LAMA2: variants seen among roughly 807,000 people sequenced by gnomAD.
The protein encoded by LAMA2 is laminin subunit alpha 2, also known as laminin subunit alpha-2.
Under a neutral mutation model 364.8 loss-of-function variants are expected in LAMA2, and 269 were observed. That is an observed-to-expected ratio of 0.74 (90% CI 0.67 to 0.82). The LOEUF (loss-of-function observed/expected upper bound fraction) is 0.82. Ranked by LOEUF, LAMA2 falls within the 40% of genes least tolerant of loss-of-function variation. The pLI is 0.00. For synonymous variants in LAMA2, 1,379 were observed against 1,370.6 expected, an observed-to-expected ratio of 1.01 and a Z score of -0.14; for missense variants, 3,807 against 3,873.2, an observed-to-expected ratio of 0.98 and a Z score of 0.45.
intron 64 of LAMA2, 99 bp downstream of exon 64, chr6:129,514,694 T>C: frequency 2.1e-6 from 2 of 942,542 alleles, no homozygotes; most frequent in Non-Finnish European, 3.4e-6. Flanking sequence ...TGTGCTTATG[T>C]GTACTTGCTT....
intron 22 of LAMA2, among the ~76,000 whole-genome samples, chr6:129,302,609 A>C (rs1424510121): frequency 6.6e-6 from 1 of 152,048 alleles, no homozygotes; most frequent in East Asian, 1.9e-4. Context: ...TTAGCTCTTA[A>C]ATGTAGGTTT....
At chr6:129,080,012 A>G (rs1207985166) in intron 3 of LAMA2, among the ~76,000 whole-genome samples, 1 of 152,146 alleles carries the variant, frequency 6.6e-6, no homozygotes. Context: ...TATAGTTTTT[A>G]TAATTTAAAT....
Position 129,514,613 on chromosome 6 carries a change from C to CAGCAACAAT in LAMA2, c.9211+19_9211+27dup, listed in dbSNP as rs755562235. The CAGCAACAAT allele has an allele frequency of 5.1e-5, 81 of 1,581,852 alleles. No individual in the cohort carries two copies. In the South Asian group the frequency reaches 9.0e-4, roughly 17 times the overall value. Reference sequence around the variant, plus strand: ...CTTCCCAGGTGAGTGTTGGCTACCCCAGCAACAATTTCTTTGCTCTCTTAT... The same window carrying CAGCAACAAT: ...CTTCCCAGGTGAGTGTTGGCTACCCCAGCAACAATAGCAACAATTTCTTTGCTCTCTTAT... On this transcript the variant is annotated intron_variant, in intron 64 of 64. Transcript: ENST00000421865.
At chr6:129,282,173 G>A (rs1017847777) in intron 18 of LAMA2, among the ~76,000 whole-genome samples, 7 of 152,200 alleles carry the variant, frequency 4.6e-5, no homozygotes, top group African/African-American at 1.7e-4. Context: ...GATCACATGA[G>A]TTTGGGAAGC....
At position 129,401,275 on chromosome 6, in the gene LAMA2, A is replaced by G. The variant is rs1321302100; in HGVS notation, c.5497A>G (p.Lys1833Glu). ...SGKRQIENTL[K>E]EGNDILDEAN... The stretch of plus-strand genomic sequence containing the variant: ...CAAACGACAAATTGAGAACACTTTA[A>G]AAGAGGGCAATGACATACTCGATGA... The change falls in exon 38 of 65, where the codon AAA becomes GAA. Residue 1833 changes from lysine (K) to glutamate (E), a missense_variant. Coordinates refer to ENST00000421865, the MANE Select transcript of LAMA2 (RefSeq NM_000426.4). 6.2e-7 allele frequency: 1 copy of G among 1,613,158 alleles called. No homozygotes were observed. Among genetic ancestry groups the G allele is most frequent in the African/African-American group, 1.3e-5 (1 of 75,004 alleles).
rs955452977 is a variant in LAMA2, at chr6:129,340,008, AAAAAAGAAAGAAAG to A, written c.4312-2317_4312-2304del. On this transcript the variant is annotated intron_variant, in intron 29 of 64. Transcript: ENST00000421865. ...CAGAGCGAGACTGTCTCAAAAAAAA[AAAAAAGAAAGAAAG>A]AAAAAGAAAGAAAGAAACCATGGGA... Among the ~76,000 whole-genome samples, 26 of 152,076 alleles carry A rather than the reference AAAAAAGAAAGAAAG, an allele frequency of 1.7e-4. 2 individuals are homozygous for A. In the East Asian group the frequency reaches 1.7e-3, roughly 10 times the overall value.
At chr6:128,917,706 T>TTTTTCTTTCTTTC (rs1554322937) in intron 1 of LAMA2, among the ~76,000 whole-genome samples, 1 of 98,366 alleles carries the variant, frequency 1.0e-5, no homozygotes, top group Non-Finnish European at 1.9e-5. Flanking sequence ...TTTCTTTTTT[T>TTTTTCTTTCTTTC]TTTCTTTCTT....
At chr6:129,349,523 A>G (rs930415240) in intron 31 of LAMA2, 139 bp downstream of exon 31, 5 of 731,832 alleles carry the variant, frequency 6.8e-6, no homozygotes, top group Non-Finnish European at 1.2e-5. Flanking sequence ...ATGCTTTCAA[A>G]ACCACTTGTG....
At chr6:129,350,756 C>T (rs937711617) in intron 31 of LAMA2, among the ~76,000 whole-genome samples, 8 of 152,128 alleles carry the variant, frequency 5.3e-5, no homozygotes, top group African/African-American at 1.9e-4. Context: ...TTTATATAAC[C>T]AGCAACAGCT....
intron 1 of LAMA2, among the ~76,000 whole-genome samples, chr6:128,987,259 C>T (rs954601130): frequency 1.3e-5 from 2 of 150,680 alleles, no homozygotes; most frequent in African/African-American, 4.9e-5. Context: ...TCTGCTTCAG[C>T]CTCCCTAGTA....
rs1251385327 is a variant in LAMA2 at position 129,180,322 on chromosome 6, T to G, written c.1467+2456T>G. Reference sequence around the variant, plus strand: ...ATATTTCTATCCAAGTTAGTAACTTTAAATAAGTATTTATCTGTAAATAGA... The same window carrying G: ...ATATTTCTATCCAAGTTAGTAACTTGAAATAAGTATTTATCTGTAAATAGA... On this transcript the variant is annotated intron_variant, in intron 10 of 64. Coordinates refer to ENST00000421865, the MANE Select transcript of LAMA2 (RefSeq NM_000426.4). Among the ~76,000 whole-genome samples, 5 of 152,154 alleles carry G rather than the reference T, an allele frequency of 3.3e-5. No individual in the cohort carries two copies. In the East Asian group the frequency reaches 9.6e-4, roughly 29 times the overall value.
At chr6:129,129,578 C>A (rs552627800) in intron 4 of LAMA2, among the ~76,000 whole-genome samples, 6 of 152,156 alleles carry the variant, frequency 3.9e-5, no homozygotes, top group South Asian at 2.1e-4. Flanking sequence ...CAAGTAAAAC[C>A]AGAGTGGTGC....
chr6:129,202,187 CAAAAAAAAAAA>C (rs776190977), intron 12 of LAMA2, among the ~76,000 whole-genome samples: 11 of 62,164 alleles, frequency 1.8e-4, no homozygotes, highest in African/African-American at 6.2e-4. Flanking sequence ...GAGTCTGTCT[CAAAAAAAAAAA>C]AAAAAAAAAA....
chr6:128,974,853 ATTT>A (rs34727721), intron 1 of LAMA2, among the ~76,000 whole-genome samples: 1 of 143,114 alleles, frequency 7.0e-6, no homozygotes, highest in Non-Finnish European at 1.5e-5. Context: ...ATGAGTAACA[ATTT>A]TTTTTTTTTT....
chr6:129,297,046 C>T (rs1015323189), intron 20 of LAMA2, among the ~76,000 whole-genome samples: 4 of 152,120 alleles, frequency 2.6e-5, no homozygotes, highest in East Asian at 1.9e-4. Flanking sequence ...TGCTTTAATA[C>T]GTGTTCTCAC....
intron 1 of LAMA2, among the ~76,000 whole-genome samples, chr6:128,889,249 CT>C (rs1002088804): frequency 6.6e-6 from 1 of 152,058 alleles, no homozygotes; most frequent in Admixed American, 6.5e-5. Context: ...TTGGAGTTCC[CT>C]TTTTTATTAT....
At chr6:128,978,596 G>A (rs140628847) in intron 1 of LAMA2, among the ~76,000 whole-genome samples, 1 of 152,026 alleles carries the variant, frequency 6.6e-6, no homozygotes, top group African/African-American at 2.4e-5. Flanking sequence ...GATTACAAGC[G>A]TGAGCCACCA....
intron 1 of LAMA2, among the ~76,000 whole-genome samples, chr6:128,995,894 G>A (rs1259552943): frequency 1.3e-5 from 2 of 151,920 alleles, no homozygotes; most frequent in Non-Finnish European, 2.9e-5. Context: ...TTTTCTTTAG[G>A]ACGTTTAGAG....
At chr6:129,235,569 C>G (rs1354602231) in intron 12 of LAMA2, among the ~76,000 whole-genome samples, 1 of 152,080 alleles carries the variant, frequency 6.6e-6, no homozygotes, top group Non-Finnish European at 1.5e-5. Flanking sequence ...ACTTTGAACT[C>G]TTAGCAGGAA....
Sources: allele counts gnomAD v4.1 joint callset (sites outside exome capture counted in the v4.1 genomes callset), GRCh38; gene constraint gnomAD v4.1.1; transcripts MANE v1.5; gene names NCBI Gene and HGNC (gene_info 2026-07-23, HGNC 2026-07-21).